The following RUSC2 variants were observed in gnomAD, a reference collection of about 807,000 sequenced individuals.
The protein encoded by RUSC2 is AP-4 complex accessory subunit RUSC2.
Under a neutral mutation model 122.2 loss-of-function variants are expected in RUSC2, and 34 were observed. That is an observed-to-expected ratio of 0.28 (90% CI 0.21 to 0.37). The LOEUF (loss-of-function observed/expected upper bound fraction) is 0.37. Ranked by LOEUF, RUSC2 falls within the 10% of genes least tolerant of loss-of-function variation. The pLI is 1.00. For missense variants in RUSC2, 1,747 were observed against 1,952.4 expected (o/e 0.89, Z 1.98); for synonymous variants, 784 against 790.0 (o/e 0.99, Z 0.13).
intron 1 of RUSC2, among the ~76,000 whole-genome samples, chr9:35,498,636 A>G (rs1280449739): frequency 6.6e-6 from 1 of 151,804 alleles, no homozygotes; most frequent in Non-Finnish European, 1.5e-5. Flanking sequence ...AGGTGGGTGG[A>G]TCACGAGGTC....
chr9:35,494,737 A>G (rs1401948781), intron 1 of RUSC2, among the ~76,000 whole-genome samples: 2 of 151,104 alleles, frequency 1.3e-5, no homozygotes, highest in Non-Finnish European at 2.9e-5. Flanking sequence ...TATTCCATGG[A>G]TTGCCTTTCA....
chr9:35,546,802 C>A lies in RUSC2; in HGVS notation c.281C>A (p.Pro94His), dbSNP rs760816596. Residue 94 changes from proline (P) to histidine (H), a missense_variant, in exon 2 of 12, where the codon CCT (proline) becomes CAT (histidine). Pro to His is a moderately conservative substitution (Grantham distance 77, BLOSUM62 -2). Coordinates refer to ENST00000361226, the MANE Select transcript of RUSC2 (RefSeq NM_014806.5). The surrounding 1 kb of genome is among the most constrained non-coding windows in gnomAD (Gnocchi z 4.3). The stretch of plus-strand genomic sequence containing the variant: ...AGTAGGAGTCGGGATGGAAGAGGCC[C>A]TGGAGCCCCCAAACGACACAACCCC... ...TKSRSRDGRG[P>H]GAPKRHNPFL... 6.2e-6 allele frequency: 10 copies of A among 1,611,264 alleles called. No homozygotes were observed. Among genetic ancestry groups the A allele is most frequent in the Admixed American group, 5.0e-5 (3 of 59,702 alleles).
At chr9:35,510,278 G>A (rs544574619) in intron 1 of RUSC2, among the ~76,000 whole-genome samples, 4 of 152,266 alleles carry the variant, frequency 2.6e-5, no homozygotes, top group South Asian at 4.1e-4. Context: ...TTGGGAGGCC[G>A]AGGTGGGAGG....
At position 35,528,744 on chromosome 9, in the gene RUSC2, A is replaced by G. The variant is rs1326772918; in HGVS notation, c.-92-17686A>G. Among the ~76,000 whole-genome samples, 4 of 152,120 alleles carry G rather than the reference A, an allele frequency of 2.6e-5. No homozygotes were observed. In the East Asian group the frequency reaches 7.7e-4, roughly 29 times the overall value. On this transcript the variant is annotated intron_variant, in intron 1 of 11. Transcript: ENST00000361226. ...TGGTCTTGAACTTCTAGGCTCAAGCAGTCTTCTCTCCTCAGTCTCTCAAAG... is the reference window on the plus strand; with the variant it reads ...TGGTCTTGAACTTCTAGGCTCAAGCGGTCTTCTCTCCTCAGTCTCTCAAAG...
rs1199625402 is a variant in RUSC2 at position 35,547,990 on chromosome 9, G to T, written c.1469G>T (p.Ser490Ile). The T allele has an allele frequency of 3.7e-6, 6 of 1,614,000 alleles. No homozygotes were observed. Among genetic ancestry groups the T allele is most frequent in the Non-Finnish European group, 5.1e-6 (6 of 1,180,056 alleles). The change falls in exon 2 of 12, where the codon AGC (serine) becomes ATC (isoleucine). Residue 490 changes from serine to isoleucine, a missense_variant. Ser to Ile is a moderately radical substitution (Grantham distance 142). Transcript: ENST00000361226. The surrounding 1 kb of genome is among the most constrained non-coding windows in gnomAD (Gnocchi z 4.6). ...ACGAATACTTCACCCCCCAACCTCA[G>T]CACTGGACGTCAGCGCTCCCGCAGC... ...VYTNTSPPNL[S>I]TGRQRSRSYD...
Position 35,529,330 on chromosome 9 carries a change from G to A in RUSC2, c.-92-17100G>A, listed in dbSNP as rs572980832. ...GGGAACACGGCAAACTGAAGGTCAC[G>A]TGCTCATCTAATGAAGGGAACCACT... On this transcript the variant is annotated intron_variant, in intron 1 of 11. Coordinates refer to ENST00000361226, the MANE Select transcript of RUSC2 (RefSeq NM_014806.5). Among the ~76,000 whole-genome samples, 23 of 151,842 alleles carry A rather than the reference G, an allele frequency of 1.5e-4. No homozygotes were observed. The East Asian group carries it at 3.5e-3, about 23-fold the overall frequency.
At position 35,555,043 on chromosome 9, in the gene RUSC2, C is replaced by A. The variant is rs779465904; in HGVS notation, c.2015-17C>A. 1 of 1,608,772 alleles carries A rather than the reference C, an allele frequency of 6.2e-7. No homozygotes were observed. The highest frequency in any genetic ancestry group is 1.1e-5 in the South Asian group (1 of 91,076). ...CAGTGTCTGTCTACTGATTTCTTCT[C>A]CATCCCTTTGCTACAGGGGGTGGCA... On this transcript the variant is annotated splice_polypyrimidine_tract_variant and intron_variant, in intron 2 of 11. Transcript: ENST00000361226. This position sits in a 1 kb window ranked among gnomAD's most constrained non-coding sequence, Gnocchi z 4.6.
At chr9:35,520,357 T>C (rs1372020462) in intron 1 of RUSC2, among the ~76,000 whole-genome samples, 1 of 151,638 alleles carries the variant, frequency 6.6e-6, no homozygotes, top group Non-Finnish European at 1.5e-5. Context: ...GAGGGAGGGG[T>C]GTACTTGAAT....
intron 1 of RUSC2, among the ~76,000 whole-genome samples, chr9:35,518,433 A>G (rs1392411285): frequency 6.6e-6 from 1 of 152,184 alleles, no homozygotes; most frequent in East Asian, 1.9e-4. Context: ...ATCTATTTAC[A>G]TCAGCTTTCC....
chr9:35,557,350 C>T lies in RUSC2; in HGVS notation c.2984-564C>T, dbSNP rs1270646471. On this transcript the variant is annotated intron_variant, in intron 5 of 11. Coordinates refer to ENST00000361226, the MANE Select transcript of RUSC2 (RefSeq NM_014806.5). This position sits in a 1 kb window ranked among gnomAD's most constrained non-coding sequence, Gnocchi z 4.6. ...AGGACGCGAAGGGGATGCAAGTGGG[C>T]AGGGGAGTGAGGGGTGTACATATGA... Among the ~76,000 whole-genome samples the T allele has an allele frequency of 2.6e-5, 4 of 152,040 alleles. No individual in the cohort carries two copies. In the South Asian group the frequency reaches 8.3e-4, roughly 32 times the overall value.
rs1175178596 is a variant in RUSC2 at position 35,558,216 on chromosome 9, C to A, written c.3080C>A (p.Ser1027Tyr). 5.0e-6 allele frequency: 8 copies of A among 1,613,514 alleles called. No individual in the cohort carries two copies. Among genetic ancestry groups the A allele is most frequent in the Non-Finnish European group, 6.8e-6 (8 of 1,179,994 alleles). ...CTACAGGCAAAGCTGGGAAACAGTT[C>A]TGTGAGCCCCAATGTGGGCCACCTG... ...PGVKAKLGNSSVSPNVGHLVL... is the reference protein window; with the variant it reads ...PGVKAKLGNSYVSPNVGHLVL... Residue 1027 changes from serine to tyrosine, a missense_variant, in exon 7 of 12, where the codon TCT becomes TAT. Physicochemically the swap from Ser to Tyr is moderately radical, Grantham distance 144 (BLOSUM62 -2). Coordinates refer to ENST00000361226, the MANE Select transcript of RUSC2 (RefSeq NM_014806.5). This position sits in a 1 kb window ranked among gnomAD's most constrained non-coding sequence, Gnocchi z 4.3.
intron 1 of RUSC2, among the ~76,000 whole-genome samples, chr9:35,499,248 C>G (rs1352268059): frequency 1.3e-5 from 2 of 152,170 alleles, no homozygotes; most frequent in South Asian, 2.1e-4. Flanking sequence ...GATTGTGTCA[C>G]TGTGCTCCAG....
chr9:35,535,876 C>T (rs1028701199), intron 1 of RUSC2, among the ~76,000 whole-genome samples: 11 of 152,156 alleles, frequency 7.2e-5, no homozygotes, highest in Admixed American at 2.0e-4. Flanking sequence ...TTCAACAAGA[C>T]TTCCATATGC....
rs910190745 is a variant in RUSC2, at chr9:35,548,345, A to G, written c.1824A>G (p.Leu608=). 1 of 1,613,778 alleles carries G rather than the reference A, an allele frequency of 6.2e-7. No homozygotes were observed. The highest frequency in any genetic ancestry group is 8.5e-7 in the Non-Finnish European group (1 of 1,180,010). ...PPMPLGPGMD[L]LGPDPSPPWS... ...TGCCTTTGGGGCCAGGCATGGACCT[A>G]CTTGGCCCAGACCCAAGTCCACCCT... is the stretch of plus-strand genomic sequence containing the variant. The change falls in exon 2 of 12, where the codon CTA becomes CTG. Residue 608 remains leucine (L), a synonymous_variant. Transcript: ENST00000361226. This position sits in a 1 kb window ranked among gnomAD's most constrained non-coding sequence, Gnocchi z 4.5.
At position 35,547,944 on chromosome 9, in the gene RUSC2, G is replaced by C. The variant is rs758872965; in HGVS notation, c.1423G>C (p.Val475Leu). The change falls in exon 2 of 12, where the codon GTG (valine) becomes CTG (leucine). Residue 475 changes from valine (V) to leucine (L), a missense_variant. Physicochemically the swap from Val to Leu is conservative, Grantham distance 32 (BLOSUM62 1). Transcript: ENST00000361226. This position sits in a 1 kb window ranked among gnomAD's most constrained non-coding sequence, Gnocchi z 4.6. ...AGCAGCAGCTGCTGTGGGCCCCACT[G>C]TGCTTGAGGGACAAGTATACACGAA... is the stretch of plus-strand genomic sequence containing the variant. ...TQAAAAVGPTVLEGQVYTNTS... is the reference protein window; with the variant it reads ...TQAAAAVGPTLLEGQVYTNTS... The C allele has an allele frequency of 6.2e-7, 1 of 1,614,254 alleles. No individual in the cohort carries two copies. The highest frequency in any genetic ancestry group is 1.1e-5 in the South Asian group (1 of 91,088).
intron 1 of RUSC2, among the ~76,000 whole-genome samples, chr9:35,520,302 G>A (rs537845017): frequency 6.6e-6 from 1 of 152,118 alleles, no homozygotes; most frequent in Non-Finnish European, 1.5e-5. Flanking sequence ...ATTGGAACCT[G>A]GTTCCCCAGG....
At chr9:35,526,856 G>A (rs1162979444) in intron 1 of RUSC2, among the ~76,000 whole-genome samples, 1 of 152,190 alleles carries the variant, frequency 6.6e-6, no homozygotes, top group African/African-American at 2.4e-5. Flanking sequence ...TCCTGAGATA[G>A]TTTTACTTCC....
rs1433680045 is a variant in RUSC2, at chr9:35,547,342, G to A, written c.821G>A (p.Cys274Tyr). ...ATGGGCTATGTGAGCGACTCCTCCT[G>A]CAACAGTTCAGATGGTGTGCTGGTC... ...QSMGYVSDSS[C>Y]NSSDGVLVTF... The change falls in exon 2 of 12, where the codon TGC becomes TAC. Residue 274 changes from cysteine (C) to tyrosine (Y), a missense_variant. Coordinates refer to ENST00000361226, the MANE Select transcript of RUSC2 (RefSeq NM_014806.5). The surrounding 1 kb of genome is among the most constrained non-coding windows in gnomAD (Gnocchi z 4.6). The A allele has an allele frequency of 6.2e-7, 1 of 1,614,042 alleles. No individual in the cohort carries two copies. The highest frequency in any genetic ancestry group is 1.3e-5 in the African/African-American group (1 of 74,912).
chr9:35,544,300 CAT>C (rs1363802671), intron 1 of RUSC2, among the ~76,000 whole-genome samples: 1 of 145,030 alleles, frequency 6.9e-6, no homozygotes, highest in African/African-American at 2.6e-5. Flanking sequence ...TAAACTGGAT[CAT>C]ATGTCTTTTT....
Sources: gnomAD v4.1 joint callset for allele counts (sites outside exome capture counted in the v4.1 genomes callset) on GRCh38, gnomAD v4.1.1 for gene constraint, Gnocchi (gnomAD v3.1) non-coding constraint, MANE v1.5 for transcripts, NCBI Gene and HGNC (gene_info 2026-07-23, HGNC 2026-07-21) for gene names.